CDK14: variants seen among roughly 807,000 people sequenced by gnomAD.
CDK14 encodes the protein cyclin dependent kinase 14, also known as cyclin-dependent kinase 14.
A neutral mutation model predicts 60.7 loss-of-function variants in CDK14; 34 were observed. The ratio of observed to expected loss-of-function variants is 0.56; its 90% CI spans 0.43 to 0.75. CDK14 has a LOEUF of 0.75. Ranked by LOEUF, CDK14 falls within the 30% of genes least tolerant of loss-of-function variation. The pLI is 0.00. For missense variants in CDK14, 482 were observed against 564.1 expected, an observed-to-expected ratio of 0.85 and a Z score of 1.47; for synonymous variants, 197 against 203.7, an observed-to-expected ratio of 0.97 and a Z score of 0.28.
At chr7:90,751,751 CAA>C (rs373137591) in intron 4 of CDK14, among the ~76,000 whole-genome samples, 2 of 152,218 alleles carry the variant, frequency 1.3e-5, no homozygotes, top group African/African-American at 4.8e-5. Context: ...GAAAGAAAAA[CAA>C]GACCTATCTC....
At chr7:90,917,866 CT>C (rs933943168) in intron 8 of CDK14, 142 bp downstream of exon 8, 69 of 739,096 alleles carry the variant, frequency 9.3e-5, no homozygotes, top group South Asian at 1.6e-4. Flanking sequence ...AGGATTTTTT[CT>C]TTTTTTTAAT....
chr7:90,666,758 C>G (rs1224891319), intron 2 of CDK14, among the ~76,000 whole-genome samples: 1 of 152,194 alleles, frequency 6.6e-6, no homozygotes, highest in African/African-American at 2.4e-5. Flanking sequence ...TGAATGGATT[C>G]CATGACATCG....
chr7:90,696,576 G>T (rs558408337), intron 2 of CDK14, among the ~76,000 whole-genome samples: 49 of 151,996 alleles, frequency 3.2e-4, no homozygotes, highest in African/African-American at 1.2e-3. Context: ...CAGCCGTTTT[G>T]TACAGCTTAA....
chr7:90,639,554 C>G (rs571660140), intron 2 of CDK14, among the ~76,000 whole-genome samples: 1 of 152,064 alleles, frequency 6.6e-6, no homozygotes, highest in Admixed American at 6.6e-5. Context: ...GTGTGCCTCC[C>G]AGTTAGGCTG....
chr7:90,731,016 G>A (rs1360020018), intron 3 of CDK14, among the ~76,000 whole-genome samples: 1 of 152,152 alleles, frequency 6.6e-6, no homozygotes, highest in African/African-American at 2.4e-5. Flanking sequence ...AACCCATCTT[G>A]AGTTAATTTT....
intron 2 of CDK14, among the ~76,000 whole-genome samples, chr7:90,622,705 A>T (rs1281001816): frequency 6.6e-6 from 1 of 151,998 alleles, no homozygotes; most frequent in Non-Finnish European, 1.5e-5. Flanking sequence ...TGGGAGCTAG[A>T]TTATCCTTTT....
chr7:91,181,730 T>C (rs918064048), intron 14 of CDK14, among the ~76,000 whole-genome samples: 9 of 152,054 alleles, frequency 5.9e-5, no homozygotes, highest in Non-Finnish European at 1.2e-4. Context: ...ATTGCAGTTA[T>C]TTTTTTGACC....
chr7:90,812,556 A>C (rs944553085), intron 5 of CDK14, among the ~76,000 whole-genome samples: 5 of 152,202 alleles, frequency 3.3e-5, no homozygotes, highest in Non-Finnish European at 7.3e-5. Flanking sequence ...AGCATGGCAC[A>C]TGTATACATA....
intron 4 of CDK14, among the ~76,000 whole-genome samples, chr7:90,786,820 G>C (rs924948504): frequency 6.7e-6 from 1 of 150,312 alleles, no homozygotes; most frequent in Non-Finnish European, 1.5e-5. Context: ...TCTGGAGGCT[G>C]AGGTAGGAGA....
chr7:91,111,513 GAA>G (rs1480295273), intron 12 of CDK14, among the ~76,000 whole-genome samples: 4 of 152,180 alleles, frequency 2.6e-5, no homozygotes, highest in Non-Finnish European at 5.9e-5. Flanking sequence ...ACCTGTGAGA[GAA>G]AGAGAGCATG....
chr7:90,626,477 C>G (rs779184330), intron 2 of CDK14, among the ~76,000 whole-genome samples: 11 of 152,174 alleles, frequency 7.2e-5, no homozygotes, highest in Non-Finnish European at 1.3e-4. Context: ...TGCAGTTATT[C>G]TCTAGGATTA....
At chr7:90,887,183 A>G (rs1791972522) in intron 6 of CDK14, among the ~76,000 whole-genome samples, 1 of 151,700 alleles carries the variant, frequency 6.6e-6, no homozygotes, top group Admixed American at 6.6e-5. Context: ...ATATTTTACT[A>G]CTCTTCATTT....
At chr7:90,688,127 A>G (rs138269561) in intron 2 of CDK14, among the ~76,000 whole-genome samples, 2 of 152,308 alleles carry the variant, frequency 1.3e-5, no homozygotes, top group Non-Finnish European at 2.9e-5. Context: ...TTAGGGGGGA[A>G]GTTCAAGAGA....
intron 11 of CDK14, among the ~76,000 whole-genome samples, chr7:91,051,947 A>T (rs943008165): frequency 1.3e-5 from 2 of 152,182 alleles, no homozygotes; most frequent in African/African-American, 4.8e-5. Context: ...TGCATCTTGC[A>T]TGCATGTTTG....
chr7:90,688,829 C>A (rs1801495766), intron 2 of CDK14, among the ~76,000 whole-genome samples: 1 of 152,148 alleles, frequency 6.6e-6, no homozygotes, highest in African/African-American at 2.4e-5. Context: ...ACAATATTTA[C>A]AATATGATTA....
intron 4 of CDK14, among the ~76,000 whole-genome samples, chr7:90,783,619 T>A (rs1344388508): frequency 6.6e-6 from 1 of 152,048 alleles, no homozygotes; most frequent in Non-Finnish European, 1.5e-5. Context: ...GGGCAAAACA[T>A]TTGAATAGAC....
At chr7:90,766,422 C>T (rs759199082) in intron 4 of CDK14, among the ~76,000 whole-genome samples, 30 of 152,002 alleles carry the variant, frequency 2.0e-4, no homozygotes, top group Non-Finnish European at 4.0e-4. Flanking sequence ...ACTTCTTTTT[C>T]GTTTCTTATA....
chr7:90,959,783 T>C (rs1254361175), intron 9 of CDK14, among the ~76,000 whole-genome samples: 1 of 152,172 alleles, frequency 6.6e-6, no homozygotes, highest in African/African-American at 2.4e-5. Context: ...TCTCCAACAC[T>C]TGCAATGAAC....
At chr7:91,182,370 G>T (rs1584183672) in intron 14 of CDK14, among the ~76,000 whole-genome samples, 1 of 150,618 alleles carries the variant, frequency 6.6e-6, no homozygotes, top group African/African-American at 2.4e-5. Flanking sequence ...AGATAGATAG[G>T]TTTTTTTTTC....
Sources: gnomAD v4.1 joint callset for allele counts (sites outside exome capture counted in the v4.1 genomes callset) on GRCh38, gnomAD v4.1.1 for gene constraint, MANE v1.5 for transcripts, NCBI Gene and HGNC (gene_info 2026-07-23, HGNC 2026-07-21) for gene names.